Variants in PLA2G4A observed in about 807,000 individuals in gnomAD.
PLA2G4A encodes cytosolic phospholipase A2.
A neutral mutation model predicts 81.9 loss-of-function variants in PLA2G4A; 40 were observed. That is an observed-to-expected ratio of 0.49 (90% CI 0.38 to 0.64). PLA2G4A has a LOEUF of 0.64. Among genes scored for constraint, PLA2G4A ranks in the 30% least tolerant of loss-of-function variants. The pLI, the probability that PLA2G4A is intolerant of heterozygous loss-of-function variation, is 0.00. For synonymous variants in PLA2G4A, 302 were observed against 296.9 expected, an observed-to-expected ratio of 1.02 and a Z score of -0.18; for missense variants, 715 against 905.1, an observed-to-expected ratio of 0.79 and a Z score of 2.69.
intron 12 of PLA2G4A, 136 bp from the exon 13 acceptor site, chr1:186,950,521 T>C: frequency 1.8e-6 from 1 of 544,622 alleles, no homozygotes; most frequent in Non-Finnish European, 3.3e-6. Flanking sequence ...CTAGAATTAT[T>C]AAATGGATTT....
chr1:186,963,049 C>T, intron 14 of PLA2G4A, among the ~76,000 whole-genome samples: 1 of 152,088 alleles, frequency 6.6e-6, no homozygotes, highest in Non-Finnish European at 1.5e-5. Context: ...GTTTCCTTAT[C>T]TTTAAAATGG....
At chr1:186,968,505 T>A (rs907011270) in intron 15 of PLA2G4A, among the ~76,000 whole-genome samples, 5 of 151,354 alleles carry the variant, frequency 3.3e-5, no homozygotes, top group Non-Finnish European at 5.9e-5. Flanking sequence ...ATGAGCATTT[T>A]TTCATGTCAT....
chr1:186,854,258 T>C (rs1401471906), intron 1 of PLA2G4A, 28 bp from the exon 2 acceptor site: 2 of 782,248 alleles, frequency 2.6e-6, no homozygotes, highest in Non-Finnish European at 2.3e-6. Flanking sequence ...AAGAGGAAGC[T>C]TAACAATAGT....
intron 2 of PLA2G4A, among the ~76,000 whole-genome samples, chr1:186,865,696 A>G (rs1430060786): frequency 3.3e-5 from 5 of 152,276 alleles, no homozygotes; most frequent in Non-Finnish European, 7.4e-5. Context: ...ACTTTATTTT[A>G]TGATTGTTTC....
At chr1:186,940,478 C>G (rs1255652512) in intron 10 of PLA2G4A, among the ~76,000 whole-genome samples, 2 of 152,150 alleles carry the variant, frequency 1.3e-5, no homozygotes, top group Non-Finnish European at 2.9e-5. Context: ...ACAGTCCTCC[C>G]TTGGTACTCA....
intron 2 of PLA2G4A, among the ~76,000 whole-genome samples, chr1:186,859,509 C>T (rs1484728240): frequency 1.3e-5 from 2 of 152,124 alleles, no homozygotes; most frequent in African/African-American, 4.8e-5. Flanking sequence ...ACACCTCTTT[C>T]TGCCACCTAT....
Position 186,958,001 on chromosome 1 carries a change from A to T in PLA2G4A, c.1579+1657A>T, listed in dbSNP as rs544093761. Among the ~76,000 whole-genome samples, 6 of 152,290 alleles carry T rather than the reference A, an allele frequency of 3.9e-5. No individual in the cohort carries two copies. In the East Asian group the frequency reaches 1.2e-3, roughly 29 times the overall value. ...CTACTGCCTTTTGTTTAAGCATCAT[A>T]CCTAGAACATACTTGTGAAATTTAG... On this transcript the variant is annotated intron_variant, in intron 14 of 17. Transcript: ENST00000367466.
intron 2 of PLA2G4A, among the ~76,000 whole-genome samples, chr1:186,859,644 A>G (rs1396435891): frequency 9.9e-5 from 15 of 152,134 alleles, no homozygotes; most frequent in Admixed American, 8.5e-4. Flanking sequence ...TCAAAAATAT[A>G]ATTGTAGGAT....
At chr1:186,931,094 T>C (rs1655728919) in intron 7 of PLA2G4A, among the ~76,000 whole-genome samples, 1 of 152,226 alleles carries the variant, frequency 6.6e-6, no homozygotes, top group Non-Finnish European at 1.5e-5. Context: ...TAACCTACTT[T>C]AGTTTCCTAC....
intron 2 of PLA2G4A, among the ~76,000 whole-genome samples, chr1:186,868,073 T>G (rs1653099772): frequency 2.1e-5 from 1 of 47,814 alleles, no homozygotes; most frequent in African/African-American, 4.8e-5. Flanking sequence ...GTATAATTCT[T>G]TTTTTTTTTT....
At chr1:186,913,087 T>C (rs1309507215) in intron 7 of PLA2G4A, among the ~76,000 whole-genome samples, 1 of 32,246 alleles carries the variant, frequency 3.1e-5, no homozygotes, top group Non-Finnish European at 4.9e-5. Flanking sequence ...TATTCCAAAT[T>C]CTTTATATTT....
At chr1:186,866,464 A>G (rs1448049824) in intron 2 of PLA2G4A, among the ~76,000 whole-genome samples, 2 of 152,132 alleles carry the variant, frequency 1.3e-5, no homozygotes, top group African/African-American at 2.4e-5. Flanking sequence ...ACTCATTTAT[A>G]AATATAATCA....
chr1:186,891,425 C>G (rs1467760210), intron 3 of PLA2G4A, among the ~76,000 whole-genome samples: 1 of 151,152 alleles, frequency 6.6e-6, no homozygotes, highest in African/African-American at 2.4e-5. Flanking sequence ...TTTTTTGTAT[C>G]CATTAACCAT....
At chr1:186,984,938 G>T (rs903962177) in intron 17 of PLA2G4A, among the ~76,000 whole-genome samples, 1 of 152,174 alleles carries the variant, frequency 6.6e-6, no homozygotes. Flanking sequence ...AGGAAATGGA[G>T]TCATGGATTA....
At chr1:186,843,060 C>G (rs1652046098) in intron 1 of PLA2G4A, among the ~76,000 whole-genome samples, 2 of 152,120 alleles carry the variant, frequency 1.3e-5, no homozygotes, top group Admixed American at 1.3e-4. Context: ...CTTCTTGAGA[C>G]AGTTATTCTT....
At chr1:186,895,884 C>T (rs2205899) in intron 5 of PLA2G4A, among the ~76,000 whole-genome samples, 145,923 of 152,254 alleles carry the variant, frequency 0.96, 69,971 homozygotes, top group East Asian at 1. Context: ...TTAACTCTTC[C>T]GTTCCTCAGT....
At chr1:186,927,581 G>T (rs1225098057) in intron 7 of PLA2G4A, among the ~76,000 whole-genome samples, 1 of 152,166 alleles carries the variant, frequency 6.6e-6, no homozygotes, top group Non-Finnish European at 1.5e-5. Context: ...GATTCTTCTT[G>T]TCATCAGAGT....
intron 6 of PLA2G4A, among the ~76,000 whole-genome samples, chr1:186,909,514 G>C (rs111525412): frequency 6.6e-6 from 1 of 151,268 alleles, no homozygotes; most frequent in Non-Finnish European, 1.5e-5. Context: ...TACAAAATTA[G>C]CCAGGTGTAT....
At chr1:186,881,770 C>A (rs1031207958) in intron 3 of PLA2G4A, among the ~76,000 whole-genome samples, 1 of 151,968 alleles carries the variant, frequency 6.6e-6, no homozygotes, top group African/African-American at 2.4e-5. Flanking sequence ...AGACCTATTA[C>A]CAAAGAGTAA....
Sources: gnomAD v4.1 joint callset for allele counts (sites outside exome capture counted in the v4.1 genomes callset) on GRCh38, gnomAD v4.1.1 for gene constraint, MANE v1.5 for transcripts, NCBI Gene and HGNC (gene_info 2026-07-23, HGNC 2026-07-21) for gene names.